WNT3A: variants seen among roughly 807,000 people sequenced by gnomAD.
The protein encoded by WNT3A is Wnt family member 3A.
In WNT3A, 17 loss-of-function variants were observed where a neutral mutation model predicts 37.0. The ratio of observed to expected loss-of-function variants is 0.46; its 90% CI spans 0.31 to 0.69. WNT3A has a LOEUF of 0.69. Among genes scored for constraint, WNT3A ranks in the 30% least tolerant of loss-of-function variants. WNT3A has a pLI of 0.05. For missense variants in WNT3A, 411 were observed against 510.2 expected (o/e 0.81, Z 1.87); for synonymous variants, 187 against 211.0 (o/e 0.89, Z 0.99).
At chr1:228,015,277 G>T (rs1234792068) in intron 1 of WNT3A, among the ~76,000 whole-genome samples, 1 of 152,188 alleles carries the variant, frequency 6.6e-6, no homozygotes, top group Non-Finnish European at 1.5e-5. Flanking sequence ...TGGGATTCCA[G>T]GGAAAGGGGA....
At chr1:228,043,349 C>T (rs1273090128) in intron 2 of WNT3A, among the ~76,000 whole-genome samples, 1 of 152,192 alleles carries the variant, frequency 6.6e-6, no homozygotes, top group Admixed American at 6.5e-5. Context: ...AGGCTCCTTC[C>T]CAGGTGACTT....
At chr1:228,044,777 G>A (rs1364417497) in intron 2 of WNT3A, among the ~76,000 whole-genome samples, 1 of 152,218 alleles carries the variant, frequency 6.6e-6, no homozygotes. Context: ...TAGAGACCTT[G>A]TGGCTTCAAC....
At chr1:228,052,453 G>T (rs918369486) in intron 3 of WNT3A, among the ~76,000 whole-genome samples, 1 of 152,182 alleles carries the variant, frequency 6.6e-6, no homozygotes, top group Non-Finnish European at 1.5e-5. Flanking sequence ...CGAGGGTAAA[G>T]ATTTTAACCC....
chr1:228,026,471 T>C (rs1173712601), intron 2 of WNT3A, among the ~76,000 whole-genome samples: 6 of 152,230 alleles, frequency 3.9e-5, no homozygotes, highest in African/African-American at 1.2e-4. Context: ...ATTTTTAATT[T>C]CTATTTCAAT....
rs1422386068 is a variant in WNT3A, at chr1:228,055,219, T to TATACACACAC, written c.580-3766_580-3765insTACACACACA. Among the ~76,000 whole-genome samples the TATACACACAC allele has an allele frequency of 4.1e-5, 4 of 98,482 alleles. No individual in the cohort carries two copies. The East Asian group carries it at 1.0e-3, about 25-fold the overall frequency. 64.6% of individuals were successfully genotyped at this position (98,482 alleles called of 152,430 possible). A position where few individuals can be genotyped will look rare whatever the true frequency, so the allele number is the denominator to read the frequency against. On this transcript the variant is annotated intron_variant, in intron 3 of 3. Coordinates refer to ENST00000284523, the MANE Select transcript of WNT3A (RefSeq NM_033131.4). ...ATATATATATATATATATATATATA[T>TATACACACAC]ACACACACACAATAGATTTGGAAAA...
chr1:228,029,296 C>A (rs708122), intron 2 of WNT3A, among the ~76,000 whole-genome samples: 43,960 of 152,028 alleles, frequency 0.29, 6,799 homozygotes, highest in South Asian at 0.42. Flanking sequence ...GACACAGATC[C>A]CACCACTCGA....
Position 228,040,994 on chromosome 1 carries a change from T to TAA in WNT3A, c.314-9661_314-9660dup, listed in dbSNP as rs766337188. On this transcript the variant is annotated intron_variant, in intron 2 of 3. Coordinates refer to ENST00000284523, the MANE Select transcript of WNT3A (RefSeq NM_033131.4). ...TTTTATATATATATATATATATATATAATATCTACTACATATCTATATCTA... is the reference window on the plus strand; with the variant it reads ...TTTTATATATATATATATATATATATAAAATATCTACTACATATCTATATCTA... 7.0e-3 allele frequency among the ~76,000 whole-genome samples: 978 copies of TAA among 140,430 alleles called. 4 individuals carry two copies. The highest frequency in any genetic ancestry group is 0.055 in the Middle Eastern group (15 of 272). The allele number at this position is 140,430 out of a possible 152,430, so 92.1% of individuals were successfully genotyped here.
intron 2 of WNT3A, among the ~76,000 whole-genome samples, chr1:228,043,234 T>C (rs1571809248): frequency 6.6e-6 from 1 of 152,262 alleles, no homozygotes; most frequent in East Asian, 1.9e-4. Flanking sequence ...AATTTTGTTA[T>C]GCAGTTTCCT....
chr1:228,059,576 G>C lies in WNT3A; in HGVS notation c.*111G>C. 7.2e-7 allele frequency: 1 copy of C among 1,396,370 alleles called. No individual in the cohort carries two copies. The highest frequency in any genetic ancestry group is 9.2e-7 in the Non-Finnish European group (1 of 1,082,530). 86.5% of individuals were successfully genotyped at this position (1,396,370 alleles called of 1,614,324 possible). A position where few individuals can be genotyped will look rare whatever the true frequency, so the allele number is the denominator to read the frequency against. ...GGGGCAGTACTCCTCCCTGGGGGCG[G>C]GACTCCTCCCTGGGGGTGGGGCTCC... On this transcript the variant is annotated 3_prime_UTR_variant, in exon 4 of 4. Transcript: ENST00000284523.
intron 2 of WNT3A, among the ~76,000 whole-genome samples, chr1:228,034,208 G>T (rs1028785131): frequency 8.5e-5 from 13 of 152,152 alleles, no homozygotes; most frequent in Non-Finnish European, 1.9e-4. Flanking sequence ...GTTGCAATGA[G>T]CTGAGATCAC....
rs1469905509 is a variant in WNT3A, at chr1:228,038,601, G to T, written c.314-12055G>T. Among the ~76,000 whole-genome samples the T allele has an allele frequency of 1.3e-5, 2 of 152,232 alleles. No homozygotes were observed. Among genetic ancestry groups the T allele is most frequent in the Non-Finnish European group, 2.9e-5 (2 of 68,052 alleles). On this transcript the variant is annotated intron_variant, in intron 2 of 3. Transcript: ENST00000284523. The surrounding 1 kb of genome is among the most constrained non-coding windows in gnomAD (Gnocchi z 5.7). ...GCCCCTTCCAGCAGCTGTGGCGTGAGCAGGCAGGAGATGGGGGCAGCACCA... is the reference window on the plus strand; with the variant it reads ...GCCCCTTCCAGCAGCTGTGGCGTGATCAGGCAGGAGATGGGGGCAGCACCA...
At chr1:228,054,795 GCTTA>G (rs2031636270) in intron 3 of WNT3A, among the ~76,000 whole-genome samples, 3 of 149,704 alleles carry the variant, frequency 2.0e-5, no homozygotes, top group South Asian at 4.2e-4. Context: ...GGGGAAAAAT[GCTTA>G]CTTAGGTTCA....
In WNT3A at chr1:228,059,566, C is replaced by G; in HGVS notation, c.*101C>G. 1.4e-6 allele frequency: 2 copies of G among 1,400,520 alleles called. No individual in the cohort carries two copies. The highest frequency in any genetic ancestry group is 2.8e-5 in the East Asian group (1 of 35,918). The allele number at this position is 1,400,520 out of a possible 1,614,324, so 86.8% of individuals were successfully genotyped here. ...CCACCTAAACGGGGCAGTACTCCTC[C>G]CTGGGGGCGGGACTCCTCCCTGGGG... On this transcript the variant is annotated 3_prime_UTR_variant, in exon 4 of 4. Transcript: ENST00000284523.
chr1:228,037,478 C>G lies in WNT3A; in HGVS notation c.314-13178C>G, dbSNP rs1415422062. ...GCCTCCTCTCCTCCCCGCTGAGCCC[C>G]CAGGAGCCCCTCGGGGGTGGTCCGC... On this transcript the variant is annotated intron_variant, in intron 2 of 3. Coordinates refer to ENST00000284523, the MANE Select transcript of WNT3A (RefSeq NM_033131.4). This position sits in a 1 kb window ranked among gnomAD's most constrained non-coding sequence, Gnocchi z 4.1. 1.3e-5 allele frequency among the ~76,000 whole-genome samples: 2 copies of G among 152,116 alleles called. No homozygotes were observed. Among genetic ancestry groups the G allele is most frequent in the Non-Finnish European group, 2.9e-5 (2 of 67,996 alleles).
chr1:228,022,999 G>C, intron 2 of WNT3A, 91 bp downstream of exon 2: 1 of 1,516,444 alleles, frequency 6.6e-7, no homozygotes, highest in Non-Finnish European at 8.8e-7. Flanking sequence ...CTGTGCACAC[G>C]GTGGGAACAG....
In WNT3A at chr1:228,059,105, C is replaced by G; in HGVS notation, c.699C>G (p.Asp233Glu). 6.2e-7 allele frequency: 1 copy of G among 1,613,814 alleles called. No individual in the cohort carries two copies. Among genetic ancestry groups the G allele is most frequent in the African/African-American group, 1.3e-5 (1 of 75,058 alleles). Residue 233 changes from aspartate to glutamate, a missense_variant, in exon 4 of 4, where the codon GAC becomes GAG. Transcript: ENST00000284523. ...GCGCCATCGGTGACTTCCTCAAGGA[C>G]AAGTACGACAGCGCCTCGGAGATGG... ...DFRAIGDFLK[D>E]KYDSASEMVV...
chr1:228,051,790 G>A (rs528479830), intron 3 of WNT3A, among the ~76,000 whole-genome samples: 12 of 152,320 alleles, frequency 7.9e-5, no homozygotes, highest in African/African-American at 2.9e-4. Context: ...TCAGCTTCTT[G>A]GGAGGCCTCA....
chr1:228,050,573 C>A lies in WNT3A; in HGVS notation c.314-83C>A, dbSNP rs1290613715. The A allele has an allele frequency of 4.0e-6, 6 of 1,481,832 alleles. No homozygotes were observed. Among genetic ancestry groups the A allele is most frequent in the Admixed American group, 4.7e-5 (2 of 42,662 alleles). The allele number at this position is 1,481,832 out of a possible 1,614,324, so 91.8% of individuals were successfully genotyped here. A position where few individuals can be genotyped will look rare whatever the true frequency, so the allele number is the denominator to read the frequency against. On this transcript the variant is annotated intron_variant, in intron 2 of 3. Coordinates refer to ENST00000284523, the MANE Select transcript of WNT3A (RefSeq NM_033131.4). This position sits in a 1 kb window ranked among gnomAD's most constrained non-coding sequence, Gnocchi z 5.0. ...CCTCACGAGTTCCTTTATAACAATG[C>A]AAATGGGCTAAGACCCCTGACCTGC...
chr1:228,059,867 T>C lies in WNT3A; in HGVS notation c.*402T>C. 1.9e-6 allele frequency: 2 copies of C among 1,048,672 alleles called. No homozygotes were observed. Among genetic ancestry groups the C allele is most frequent in the Non-Finnish European group, 2.3e-6 (2 of 871,442 alleles). 65.0% of individuals were successfully genotyped at this position (1,048,672 alleles called of 1,614,324 possible). The stretch of plus-strand genomic sequence containing the variant: ...GGCTCTGGGTGGGCGGGGCACTAGG[T>C]AGGCTTCTACCTGCAGGCGGGGCTC... On this transcript the variant is annotated 3_prime_UTR_variant, in exon 4 of 4. Coordinates refer to ENST00000284523, the MANE Select transcript of WNT3A (RefSeq NM_033131.4).
Sources: gnomAD v4.1 joint callset for allele counts (sites outside exome capture counted in the v4.1 genomes callset) on GRCh38, gnomAD v4.1.1 for gene constraint, Gnocchi (gnomAD v3.1) non-coding constraint, MANE v1.5 for transcripts, NCBI Gene and HGNC (gene_info 2026-07-23, HGNC 2026-07-21) for gene names.